The following SHC4 variants were observed in gnomAD, a reference collection of about 807,000 sequenced individuals.
SHC4 encodes SHC adaptor protein 4.
In SHC4, 41 loss-of-function variants were observed where a neutral mutation model predicts 69.4. That is an observed-to-expected ratio of 0.59 (90% confidence interval 0.46 to 0.77). The LOEUF is 0.77. Among genes scored for constraint, SHC4 ranks in the 30% least tolerant of loss-of-function variants. SHC4 has a pLI of 0.00. For missense variants in SHC4, 777 were observed against 783.8 expected, an observed-to-expected ratio of 0.99 and a Z score of 0.10; for synonymous variants, 318 against 299.3, an observed-to-expected ratio of 1.06 and a Z score of -0.64.
At chr15:48,895,946 G>A (rs1047576923) in intron 2 of SHC4, among the ~76,000 whole-genome samples, 1 of 152,082 alleles carries the variant, frequency 6.6e-6, no homozygotes, top group South Asian at 2.1e-4. Flanking sequence ...TAAATTGCCA[G>A]GCACAGCAGT....
rs200014654 is a variant in SHC4 at position 48,860,517 on chromosome 15, T to A, written c.947-2702A>T. ...TGAAACTCCATCTCAAAAATAAAAATAATAATAATAAATAAAAATAAAAAT... is the reference window on the plus strand; with the variant it reads ...TGAAACTCCATCTCAAAAATAAAAAAAATAATAATAAATAAAAATAAAAAT... On this transcript the variant is annotated intron_variant, in intron 6 of 11. Transcript: ENST00000332408. Among the ~76,000 whole-genome samples the A allele has an allele frequency of 8.6e-5, 13 of 151,676 alleles. No individual in the cohort carries two copies. In the East Asian group the frequency reaches 2.1e-3, roughly 25 times the overall value.
At chr15:48,931,230 C>G (rs1056341764) in intron 1 of SHC4, among the ~76,000 whole-genome samples, 2 of 152,152 alleles carry the variant, frequency 1.3e-5, no homozygotes, top group African/African-American at 4.8e-5. Context: ...ATTAGAATCA[C>G]TTGGGAAGTA....
At chr15:48,856,625 G>A (rs1362654734) in intron 7 of SHC4, among the ~76,000 whole-genome samples, 3 of 152,058 alleles carry the variant, frequency 2.0e-5, no homozygotes, top group African/African-American at 7.2e-5. Flanking sequence ...AGATCTGGAG[G>A]AGTACATGGG....
chr15:48,837,571 G>A (rs1898921916), intron 10 of SHC4, among the ~76,000 whole-genome samples: 1 of 151,958 alleles, frequency 6.6e-6, no homozygotes, highest in East Asian at 1.9e-4. Flanking sequence ...TAATTTATGT[G>A]TAATATTTAA....
At chr15:48,872,269 C>T in intron 4 of SHC4, 127 bp from the exon 5 acceptor site, 1 of 543,942 alleles carries the variant, frequency 1.8e-6, no homozygotes, top group East Asian at 3.5e-5. Context: ...TGAAAACCAC[C>T]CAACCTACAC....
chr15:48,869,150 G>A (rs991985390), intron 5 of SHC4, among the ~76,000 whole-genome samples: 2 of 152,146 alleles, frequency 1.3e-5, no homozygotes, highest in Non-Finnish European at 2.9e-5. Context: ...CAAATAGCAG[G>A]GGAAAATATG....
chr15:48,826,387 T>C (rs1185628271), intron 11 of SHC4, among the ~76,000 whole-genome samples: 1 of 152,008 alleles, frequency 6.6e-6, no homozygotes, highest in Non-Finnish European at 1.5e-5. Flanking sequence ...TAACTGGGAC[T>C]ACAGGCACGT....
intron 4 of SHC4, among the ~76,000 whole-genome samples, chr15:48,872,504 C>G (rs1595739840): frequency 6.6e-6 from 1 of 152,160 alleles, no homozygotes; most frequent in African/African-American, 2.4e-5. Flanking sequence ...CCCAAAGCTT[C>G]TAGGGGCCAT....
chr15:48,884,511 T>C, intron 3 of SHC4, 144 bp from the exon 4 acceptor site: 2 of 692,452 alleles, frequency 2.9e-6, no homozygotes, highest in Non-Finnish European at 2.1e-6. Context: ...TGAAAGGGAA[T>C]GGTTTTTATT....
At chr15:48,899,861 G>A (rs1900290655) in intron 2 of SHC4, among the ~76,000 whole-genome samples, 1 of 152,160 alleles carries the variant, frequency 6.6e-6, no homozygotes, top group Non-Finnish European at 1.5e-5. Flanking sequence ...TGTTCCTAGA[G>A]GTTTTGATTC....
At chr15:48,827,338 G>T (rs887063174) in intron 11 of SHC4, among the ~76,000 whole-genome samples, 18 of 152,106 alleles carry the variant, frequency 1.2e-4, no homozygotes, top group African/African-American at 4.3e-4. Context: ...CTGTACTATG[G>T]CTATGGAAGA....
At chr15:48,951,214 G>T (rs1901360019) in intron 1 of SHC4, among the ~76,000 whole-genome samples, 1 of 151,972 alleles carries the variant, frequency 6.6e-6, no homozygotes, top group South Asian at 2.1e-4. Context: ...AACACAGCAG[G>T]TGTACAATGG....
At chr15:48,873,552 A>G (rs906053119) in intron 4 of SHC4, among the ~76,000 whole-genome samples, 1 of 152,096 alleles carries the variant, frequency 6.6e-6, no homozygotes, top group Non-Finnish European at 1.5e-5. Context: ...AGACCATCCT[A>G]GCTAACACAG....
At chr15:48,919,005 T>C (rs887737429) in intron 2 of SHC4, among the ~76,000 whole-genome samples, 5 of 152,054 alleles carry the variant, frequency 3.3e-5, no homozygotes, top group Admixed American at 3.3e-4. Context: ...AGGGAAATAG[T>C]TCAAGAAGCT....
intron 2 of SHC4, among the ~76,000 whole-genome samples, chr15:48,897,541 C>CTT (rs200339110): frequency 3.7e-5 from 5 of 136,888 alleles, no homozygotes; most frequent in East Asian, 4.3e-4. Context: ...CACGCACACA[C>CTT]TTTTTTTTTT....
At chr15:48,843,893 G>C (rs1443868566) in intron 9 of SHC4, among the ~76,000 whole-genome samples, 2 of 146,322 alleles carry the variant, frequency 1.4e-5, no homozygotes, top group Admixed American at 1.4e-4. Flanking sequence ...GGAAGAAAGA[G>C]GGCTGATAGT....
intron 3 of SHC4, 84 bp downstream of exon 3, chr15:48,890,664 T>C: frequency 1.3e-6 from 2 of 1,494,216 alleles, no homozygotes; most frequent in South Asian, 1.1e-5. Flanking sequence ...CTTGGTCATA[T>C]GGTGGGATGA....
chr15:48,843,631 G>C lies in SHC4; in HGVS notation c.1304-43C>G, dbSNP rs752310887. 2.0e-6 allele frequency: 3 copies of C among 1,525,938 alleles called. No homozygotes were observed. In the East Asian group the frequency reaches 6.9e-5, roughly 35 times the overall value. 94.5% of individuals were successfully genotyped at this position (1,525,938 alleles called of 1,614,324 possible). ...GATCAATACATTATGTTTTTTCTTT[G>C]TAAATAGTAAATAAAATCATGTTTG... is the stretch of plus-strand genomic sequence containing the variant. On this transcript the variant is annotated intron_variant, in intron 9 of 11. Coordinates refer to ENST00000332408, the MANE Select transcript of SHC4 (RefSeq NM_203349.4).
intron 9 of SHC4, among the ~76,000 whole-genome samples, chr15:48,845,557 A>T (rs1420110916): frequency 6.6e-6 from 1 of 152,248 alleles, no homozygotes; most frequent in Admixed American, 6.5e-5. Flanking sequence ...TGGCTAAAAA[A>T]TTACTGCAAA....
Sources: gnomAD v4.1 joint callset for allele counts (sites outside exome capture counted in the v4.1 genomes callset) on GRCh38, gnomAD v4.1.1 for gene constraint, MANE v1.5 for transcripts, NCBI Gene and HGNC (gene_info 2026-07-23, HGNC 2026-07-21) for gene names.